CPT2: variants seen among roughly 807,000 people sequenced by gnomAD.
CPT2 encodes the protein carnitine palmitoyltransferase 2, also known as carnitine O-palmitoyltransferase 2, mitochondrial.
Under a neutral mutation model 48.6 loss-of-function variants are expected in CPT2, and 37 were observed. The observed-to-expected ratio is 0.76, with a 90% CI of 0.59 to 1.00. The LOEUF is 1.00. Ranked by LOEUF, CPT2 falls within the 50% of genes least tolerant of loss-of-function variation. The pLI is 0.00. For synonymous variants in CPT2, 319 were observed against 326.9 expected (o/e 0.98, Z 0.26); for missense variants, 772 against 825.6 (o/e 0.94, Z 0.80).
chr1:53,197,279 C>T (rs1226832684), intron 1 of CPT2, 184 bp downstream of exon 1: 5 of 735,144 alleles, frequency 6.8e-6, no homozygotes, highest in Non-Finnish European at 1.2e-5. Flanking sequence ...ACAGGAACCT[C>T]AGAACCCTCA....
In CPT2 at chr1:53,210,017, C is replaced by T. The variant is rs762957225; in HGVS notation, c.343C>T (p.Pro115Ser). 5 of 1,612,302 alleles carry T rather than the reference C, an allele frequency of 3.1e-6. No individual in the cohort carries two copies. Among genetic ancestry groups the T allele is most frequent in the Non-Finnish European group, 4.2e-6 (5 of 1,178,766 alleles). The change falls in exon 4 of 5, where the codon CCC becomes TCC. Residue 115 changes from proline to serine, a missense_variant and splice_region_variant. Physicochemically the swap from Pro to Ser is moderately conservative, Grantham distance 74 (BLOSUM62 -1). Transcript: ENST00000371486. ...QNKHTSYISGPWFDMYLSARD... is the reference protein window; with the variant it reads ...QNKHTSYISGSWFDMYLSARD... ...ATTTTTTTCTTTTTATTTTTTAGGA[C>T]CCTGGTTTGATATGTACCTATCTGC...
At chr1:53,204,641 G>A (rs1360769009) in intron 3 of CPT2, among the ~76,000 whole-genome samples, 1 of 152,084 alleles carries the variant, frequency 6.6e-6, no homozygotes. Flanking sequence ...GATTGATATG[G>A]TTTGGCTCTA....
chr1:53,201,840 A>G (rs1368529921), intron 2 of CPT2: 1 of 168,684 alleles, frequency 5.9e-6, no homozygotes, highest in South Asian at 1.4e-4. Flanking sequence ...TTCTCTTGAT[A>G]TGGTAATAGC....
intron 3 of CPT2, among the ~76,000 whole-genome samples, chr1:53,206,230 G>T (rs964076848): frequency 6.6e-6 from 1 of 151,682 alleles, no homozygotes; most frequent in Non-Finnish European, 1.5e-5. Context: ...ACATTTCAGA[G>T]GCTATATGGA....
intron 1 of CPT2, among the ~76,000 whole-genome samples, chr1:53,199,129 C>T (rs926572864): frequency 2.6e-5 from 4 of 152,136 alleles, no homozygotes; most frequent in Non-Finnish European, 2.9e-5. Context: ...GGCCCTATCT[C>T]GGCTCACTGC....
intron 2 of CPT2, chr1:53,201,101 TG>T (rs1645352478): frequency 4.7e-6 from 2 of 428,810 alleles, no homozygotes; most frequent in Non-Finnish European, 8.7e-6. Flanking sequence ...ATAGAGAGCA[TG>T]TACCCTTGGA....
intron 3 of CPT2, chr1:53,204,383 A>C (rs1645373264): frequency 6.6e-6 from 1 of 151,958 alleles, no homozygotes; most frequent in Admixed American, 6.5e-5. Flanking sequence ...TTACTTCCAC[A>C]AGCTCTTTTT....
Position 53,200,761 on chromosome 1 carries a change from C to G in CPT2, c.195C>G (p.Leu65=), listed in dbSNP as rs142598568. Residue 65 remains leucine, a synonymous_variant, in exon 2 of 5, where the codon CTC becomes CTG. Transcript: ENST00000371486. The part of the protein sequence containing the change: ...PKLEDTIRRY[L]SAQKPLLNDG... ...TTGAAGACACCATTAGGAGATACCT[C>G]AGTGCACAGAAGCCTCTCTTGAATG... is the stretch of plus-strand genomic sequence containing the variant. 2 of 1,614,098 alleles carry G rather than the reference C, an allele frequency of 1.2e-6. No homozygotes were observed. Among genetic ancestry groups the G allele is most frequent in the East Asian group, 2.2e-5 (1 of 44,872 alleles).
Position 53,210,835 on chromosome 1 carries a change from A to C in CPT2, c.1161A>C (p.Val387=). 6.2e-7 allele frequency: 1 copy of C among 1,614,108 alleles called. No individual in the cohort carries two copies. Among genetic ancestry groups the C allele is most frequent in the Non-Finnish European group, 8.5e-7 (1 of 1,180,026 alleles). ...CAGTGCTCAGATTTTTTAATGAAGT[A>C]TTTAAAGACAGCACTCAGACCCCTG... ...GVAVLRFFNE[V]FKDSTQTPAV... is the part of the protein sequence containing the mutation. Residue 387 remains valine, a synonymous_variant, in exon 4 of 5, where the codon GTA becomes GTC. Coordinates refer to ENST00000371486, the MANE Select transcript of CPT2 (RefSeq NM_000098.3).
chr1:53,202,659 G>A, intron 3 of CPT2: 2 of 564,606 alleles, frequency 3.5e-6, no homozygotes, highest in Non-Finnish European at 6.4e-6. Context: ...TCTGTAGATG[G>A]GATTGAGGCA....
At position 53,210,331 on chromosome 1, in the gene CPT2, G is replaced by A; in HGVS notation, c.657G>A (p.Arg219=). The change falls in exon 4 of 5, where the codon CGG becomes CGA. Residue 219 remains arginine (R), a synonymous_variant. Transcript: ENST00000371486. ...CCCTGGATATGTCCCAGTATTTTCG[G>A]CTTTTCAACTCAACTCGTTTACCCA... ...AYPLDMSQYF[R]LFNSTRLPKP... 6.2e-7 allele frequency: 1 copy of A among 1,614,064 alleles called. No homozygotes were observed. Among genetic ancestry groups the A allele is most frequent in the Non-Finnish European group, 8.5e-7 (1 of 1,180,028 alleles).
intron 2 of CPT2, 84 bp downstream of exon 2, chr1:53,200,883 T>C: frequency 1.8e-6 from 2 of 1,092,920 alleles, no homozygotes; most frequent in South Asian, 2.5e-5. Flanking sequence ...CTTCAGGGAA[T>C]GTCTGTGACG....
At chr1:53,209,992 AT>A (rs749177082) in intron 3 of CPT2, 22 bp from the exon 4 acceptor site, 5 of 1,592,686 alleles carry the variant, frequency 3.1e-6, no homozygotes, top group African/African-American at 2.7e-5. Flanking sequence ...ATTTTATGTT[AT>A]TTTTTTCTTT....
chr1:53,197,471 C>CT (rs1163550627), intron 1 of CPT2: 3 of 331,244 alleles, frequency 9.1e-6, no homozygotes, highest in African/African-American at 6.7e-5. Flanking sequence ...TCCTGAAGTA[C>CT]TTTAATGACT....
chr1:53,206,692 G>A (rs140735101), intron 3 of CPT2, among the ~76,000 whole-genome samples: 2 of 152,236 alleles, frequency 1.3e-5, no homozygotes, highest in Non-Finnish European at 2.9e-5. Flanking sequence ...TTTGGAATGG[G>A]AGCATTTACC....
Position 53,210,230 on chromosome 1 carries a change from A to G in CPT2, c.556A>G (p.Ile186Val), listed in dbSNP as rs377737941. Residue 186 changes from isoleucine (I) to valine (V), a missense_variant, in exon 4 of 5, where the codon ATC becomes GTC. Ile to Val is a conservative substitution (Grantham distance 29). Transcript: ENST00000371486. ...CTTGAACCCTGCAAAAAGTGACACT[A>G]TCACCTTCAAGAGACTCATACGCTT... ...FHLNPAKSDT[I>V]TFKRLIRFVP... is the part of the protein sequence containing the mutation. 6.8e-6 allele frequency: 11 copies of G among 1,614,096 alleles called. No homozygotes were observed. The highest frequency in any genetic ancestry group is 9.3e-6 in the Non-Finnish European group (11 of 1,179,942).
At position 53,210,933 on chromosome 1, in the gene CPT2, C is replaced by T; in HGVS notation, c.1259C>T (p.Thr420Ile). ...GTGCAGAAACTCAACTTCGAGCTGA[C>T]TGATGCCTTAAAGACTGGCATCACA... ...VTVQKLNFEL[T>I]DALKTGITAA... The change falls in exon 4 of 5, where the codon ACT becomes ATT. Residue 420 changes from threonine to isoleucine, a missense_variant. Physicochemically the swap from Thr to Ile is moderately conservative, Grantham distance 89. Coordinates refer to ENST00000371486, the MANE Select transcript of CPT2 (RefSeq NM_000098.3). 1.2e-6 allele frequency: 2 copies of T among 1,614,210 alleles called. No individual in the cohort carries two copies. Among genetic ancestry groups the T allele is most frequent in the East Asian group, 4.5e-5 (2 of 44,886 alleles).
rs1032079648 is a variant in CPT2, at chr1:53,209,869, T to C, written c.341-146T>C. On this transcript the variant is annotated intron_variant, in intron 3 of 4. Coordinates refer to ENST00000371486, the MANE Select transcript of CPT2 (RefSeq NM_000098.3). ...ACCCCATTTGTATGTCTTGAATTAT[T>C]GCAGAGCAAAAACATTCAGGGAATT... 5 of 686,606 alleles carry C rather than the reference T, an allele frequency of 7.3e-6. No individual in the cohort carries two copies. In the African/African-American group the frequency reaches 9.1e-5, roughly 12 times the overall value. The allele number at this position is 686,606 out of a possible 1,614,324, so 42.5% of individuals were successfully genotyped here. A position where few individuals can be genotyped will look rare whatever the true frequency, so the allele number is the denominator to read the frequency against.
At chr1:53,200,236 T>G (rs1645346438) in intron 1 of CPT2, 1 of 160,250 alleles carries the variant, frequency 6.2e-6, no homozygotes, top group Admixed American at 6.1e-5. Context: ...AGCCCCCATA[T>G]ATGGCTGGCC....
Sources: gnomAD v4.1 joint callset for allele counts (sites outside exome capture counted in the v4.1 genomes callset) on GRCh38, gnomAD v4.1.1 for gene constraint, MANE v1.5 for transcripts, NCBI Gene and HGNC (gene_info 2026-07-23, HGNC 2026-07-21) for gene names.